The following KIAA0513 variants were observed in gnomAD, a reference collection of about 807,000 sequenced individuals.
KIAA0513 encodes the protein KIAA0513.
Under a neutral mutation model 56.5 loss-of-function variants are expected in KIAA0513, and 39 were observed. The ratio of observed to expected loss-of-function variants is 0.69; its 90% CI spans 0.53 to 0.90. KIAA0513 has a LOEUF of 0.90. Ranked by LOEUF, KIAA0513 falls within the 40% of genes least tolerant of loss-of-function variation. KIAA0513 has a pLI of 0.00. For synonymous variants in KIAA0513, 268 were observed against 215.6 expected (o/e 1.24, Z -2.13); for missense variants, 591 against 535.2 (o/e 1.10, Z -1.03).
intron 1 of KIAA0513, among the ~76,000 whole-genome samples, chr16:85,041,022 G>A (rs1415113925): frequency 6.6e-6 from 1 of 152,208 alleles, no homozygotes; most frequent in Admixed American, 6.5e-5. Context: ...AGTGCAGAAT[G>A]AGATGTATTT....
chr16:85,054,500 G>A (rs1165514037), intron 1 of KIAA0513, among the ~76,000 whole-genome samples: 3 of 146,942 alleles, frequency 2.0e-5, no homozygotes, highest in African/African-American at 7.5e-5. Context: ...GCCACATCTC[G>A]GCTCACTGCA....
intron 1 of KIAA0513, among the ~76,000 whole-genome samples, chr16:85,035,193 C>T (rs1171906140): frequency 1.3e-5 from 2 of 152,208 alleles, no homozygotes; most frequent in African/African-American, 4.8e-5. Context: ...CCGTGGCAGG[C>T]ACTTGTCTCT....
chr16:85,037,983 T>C (rs1450826626), intron 1 of KIAA0513, among the ~76,000 whole-genome samples: 1 of 152,206 alleles, frequency 6.6e-6, no homozygotes, highest in African/African-American at 2.4e-5. Context: ...GAGTGCAGCA[T>C]CTTTCCAAAA....
intron 1 of KIAA0513, among the ~76,000 whole-genome samples, chr16:85,032,566 C>T (rs1344273500): frequency 6.6e-6 from 1 of 152,158 alleles, no homozygotes; most frequent in African/African-American, 2.4e-5. Context: ...TTCCTGACCT[C>T]AAGTGATCCT....
At chr16:85,062,698 G>A (rs1218103600) in intron 1 of KIAA0513, among the ~76,000 whole-genome samples, 2 of 152,266 alleles carry the variant, frequency 1.3e-5, no homozygotes, top group East Asian at 1.9e-4. Flanking sequence ...TTCATGTAAC[G>A]GGATTTCAGC....
At chr16:85,058,666 A>G (rs967527839) in intron 1 of KIAA0513, among the ~76,000 whole-genome samples, 1 of 151,812 alleles carries the variant, frequency 6.6e-6, no homozygotes. Context: ...AAAAAAAAAA[A>G]AACACACAAG....
intron 4 of KIAA0513, among the ~76,000 whole-genome samples, chr16:85,074,737 A>C (rs570636327): frequency 3.8e-4 from 58 of 152,328 alleles, no homozygotes; most frequent in Non-Finnish European, 7.3e-4. Context: ...GGTGGTTTAA[A>C]ACAGGCCCTC....
chr16:85,077,627 G>A lies in KIAA0513; in HGVS notation c.777G>A (p.Arg259=). 1.9e-6 allele frequency: 3 copies of A among 1,608,800 alleles called. No individual in the cohort carries two copies. The highest frequency in any genetic ancestry group is 1.1e-5 in the South Asian group (1 of 90,500). Residue 259 remains arginine (R), a synonymous_variant, in exon 6 of 13, where the codon AGG becomes AGA. Coordinates refer to ENST00000683363, the MANE Select transcript of KIAA0513 (RefSeq NM_001388359.1). ...AGCTGAAGGGGCCCCTGGCCAGGAG[G>A]AACGAGTACGTGTGGCCTTGGGGTC... ...ETKLKGPLAR[R]NEEDENKPQE...
intron 1 of KIAA0513, among the ~76,000 whole-genome samples, chr16:85,043,169 A>G (rs2073125932): frequency 6.6e-6 from 1 of 152,154 alleles, no homozygotes; most frequent in Non-Finnish European, 1.5e-5. Context: ...TAGCACTTGA[A>G]AAAACAGCTG....
intron 1 of KIAA0513, among the ~76,000 whole-genome samples, chr16:85,043,783 A>G (rs2073134889): frequency 6.6e-6 from 1 of 152,150 alleles, no homozygotes; most frequent in South Asian, 2.1e-4. Context: ...CTGTAATCCC[A>G]GCACTCTGGG....
At chr16:85,042,876 G>T (rs908870807) in intron 1 of KIAA0513, among the ~76,000 whole-genome samples, 4 of 152,200 alleles carry the variant, frequency 2.6e-5, no homozygotes, top group African/African-American at 9.7e-5. Flanking sequence ...GACATTCCCC[G>T]AGAGGGAGGA....
rs2073756758 is a variant in KIAA0513, at chr16:85,082,435, C to A, written c.981-129C>A. The stretch of plus-strand genomic sequence containing the variant: ...GGAAGTGAATTTATTTCGAATATTC[C>A]TGTCTTTCTCTGTCCCGCTCCGTTT... On this transcript the variant is annotated intron_variant, in intron 9 of 12. Coordinates refer to ENST00000683363, the MANE Select transcript of KIAA0513 (RefSeq NM_001388359.1). 2.4e-6 allele frequency: 2 copies of A among 831,850 alleles called. 1 individual carries two copies. Among genetic ancestry groups the A allele is most frequent in the South Asian group, 3.2e-5 (2 of 62,132 alleles). 51.5% of individuals were successfully genotyped at this position (831,850 alleles called of 1,614,324 possible).
intron 4 of KIAA0513, 105 bp downstream of exon 4, chr16:85,073,103 A>G: frequency 1.1e-6 from 1 of 929,320 alleles, no homozygotes; most frequent in Non-Finnish European, 1.8e-6. Flanking sequence ...AACCATATCC[A>G]CACTAGTCAT....
intron 1 of KIAA0513, among the ~76,000 whole-genome samples, chr16:85,053,459 A>G (rs1301895637): frequency 6.6e-6 from 1 of 152,144 alleles, no homozygotes; most frequent in African/African-American, 2.4e-5. Context: ...GTTTGCATTC[A>G]TATCTGAATA....
intron 3 of KIAA0513, 127 bp from the exon 4 acceptor site, chr16:85,072,798 C>T (rs1339716228): frequency 3.4e-6 from 3 of 880,336 alleles, no homozygotes; most frequent in Non-Finnish European, 5.5e-6. Context: ...AGTGCAGAGG[C>T]AGCAGACATC....
In KIAA0513 at chr16:85,067,390, T is replaced by A. The variant is rs2073502615; in HGVS notation, c.319T>A (p.Phe107Ile). 3 of 1,600,622 alleles carry A rather than the reference T, an allele frequency of 1.9e-6. No homozygotes were observed. Among genetic ancestry groups the A allele is most frequent in the South Asian group, 2.2e-5 (2 of 90,856 alleles). Residue 107 changes from phenylalanine to isoleucine, a missense_variant, in exon 2 of 13, where the codon TTC (phenylalanine) becomes ATC (isoleucine). By Grantham distance (21) the Phe-to-Ile change is conservative. Coordinates refer to ENST00000683363, the MANE Select transcript of KIAA0513 (RefSeq NM_001388359.1). Reference sequence around the variant, plus strand: ...CATGCGTGGCTACGTGGAGAAGATCTTCTCTGGAGGGTAAGGGGCCTGTGT... The same window carrying A: ...CATGCGTGGCTACGTGGAGAAGATCATCTCTGGAGGGTAAGGGGCCTGTGT... ...DFMRGYVEKI[F>I]SGGEDLDQEE...
intron 1 of KIAA0513, among the ~76,000 whole-genome samples, chr16:85,042,320 A>G (rs556421388): frequency 6.6e-6 from 1 of 152,328 alleles, no homozygotes; most frequent in South Asian, 2.1e-4. Context: ...CCAAATGAGG[A>G]GACCTATAGG....
chr16:85,088,612 G>T lies in KIAA0513; in HGVS notation c.*287G>T. 1 of 415,362 alleles carries T rather than the reference G, an allele frequency of 2.4e-6. No individual in the cohort carries two copies. The allele number at this position is 415,362 out of a possible 1,614,324, so 25.7% of individuals were successfully genotyped here. The stretch of plus-strand genomic sequence containing the variant: ...CAGGCTTGTGAGATGAGACCAAGAG[G>T]GAGGAGGGGAAGGACTCCATGGGCC... On this transcript the variant is annotated 3_prime_UTR_variant, in exon 13 of 13. Coordinates refer to ENST00000683363, the MANE Select transcript of KIAA0513 (RefSeq NM_001388359.1).
At chr16:85,053,136 A>G (rs972583901) in intron 1 of KIAA0513, among the ~76,000 whole-genome samples, 13 of 152,128 alleles carry the variant, frequency 8.5e-5, no homozygotes, top group African/African-American at 2.4e-4. Context: ...TGATCCGCCC[A>G]CTTCAGCCTC....
Sources: allele counts gnomAD v4.1 joint callset (sites outside exome capture counted in the v4.1 genomes callset), GRCh38; gene constraint gnomAD v4.1.1; transcripts MANE v1.5; gene names NCBI Gene and HGNC (gene_info 2026-07-23, HGNC 2026-07-21).